The following TUBA4A variants were observed in gnomAD, a reference collection of about 807,000 sequenced individuals.
The protein encoded by TUBA4A is tubulin alpha 4a.
A neutral mutation model predicts 34.3 loss-of-function variants in TUBA4A; 23 were observed. That is an observed-to-expected ratio of 0.67 (90% CI 0.48 to 0.95). The LOEUF (loss-of-function observed/expected upper bound fraction) is 0.95. Ranked by LOEUF, TUBA4A falls within the 40% of genes least tolerant of loss-of-function variation. The pLI is 0.00. For missense variants in TUBA4A, 279 were observed against 599.0 expected, an observed-to-expected ratio of 0.47 and a Z score of 5.58; for synonymous variants, 216 against 230.5, an observed-to-expected ratio of 0.94 and a Z score of 0.57.
chr2:219,252,818 C>G lies in TUBA4A; in HGVS notation c.4-588G>C, dbSNP rs1345838185. On this transcript the variant is annotated intron_variant, in intron 1 of 3. Transcript: ENST00000248437. The surrounding 1 kb of genome is among the most constrained non-coding windows in gnomAD (Gnocchi z 4.1). Reference sequence around the variant, plus strand: ...GTGTCAGCCCGCACGGAAATAGCGGCGGTAATGCTTGTAAGCTCAGACAGC... The same window carrying G: ...GTGTCAGCCCGCACGGAAATAGCGGGGGTAATGCTTGTAAGCTCAGACAGC... The G allele has an allele frequency of 2.1e-6, 1 of 471,786 alleles. No homozygotes were observed. Among genetic ancestry groups the G allele is most frequent in the South Asian group, 1.5e-5 (1 of 64,576 alleles). 29.2% of individuals were successfully genotyped at this position (471,786 alleles called of 1,614,324 possible). A position where few individuals can be genotyped will look rare whatever the true frequency, so the allele number is the denominator to read the frequency against.
rs770260351 is a variant in TUBA4A at position 219,251,300 on chromosome 2, C to T, written c.399G>A (p.Gln133=). The change falls in exon 4 of 4, where the codon CAG becomes CAA. Residue 133 remains glutamine, a synonymous_variant. Coordinates refer to ENST00000248437, the MANE Select transcript of TUBA4A (RefSeq NM_006000.3). This position sits in a 1 kb window ranked among gnomAD's most constrained non-coding sequence, Gnocchi z 6.1. The stretch of plus-strand genomic sequence containing the variant: ...CAAAGCTGTGGAACACCAGGAAGCC[C>T]TGAAGTCCTGTGCACTGGTCAGACT... The part of the protein sequence containing the change: ...RKLSDQCTGL[Q]GFLVFHSFGG... 6.2e-7 allele frequency: 1 copy of T among 1,612,548 alleles called. No individual in the cohort carries two copies. The highest frequency in any genetic ancestry group is 1.1e-5 in the South Asian group (1 of 90,908).
intron 1 of TUBA4A, chr2:219,253,324 C>G: frequency 6.5e-7 from 1 of 1,529,058 alleles, no homozygotes; most frequent in Non-Finnish European, 8.7e-7. Flanking sequence ...CCCACCAACC[C>G]TCTCAGCTCA....
chr2:219,252,980 G>A lies in TUBA4A; in HGVS notation c.4-750C>T, dbSNP rs1490603359. On this transcript the variant is annotated intron_variant, in intron 1 of 3. Coordinates refer to ENST00000248437, the MANE Select transcript of TUBA4A (RefSeq NM_006000.3). The surrounding 1 kb of genome is among the most constrained non-coding windows in gnomAD (Gnocchi z 4.1). ...TCTTCCCACACCGAAATGGCGGGGT[G>A]ACGGTTTCCAAATACCCAGAAAGGA... The A allele has an allele frequency of 1.9e-6, 1 of 528,578 alleles. No homozygotes were observed. The highest frequency in any genetic ancestry group is 3.6e-6 in the Non-Finnish European group (1 of 275,034). The allele number at this position is 528,578 out of a possible 1,614,324, so 32.7% of individuals were successfully genotyped here.
chr2:219,251,560 C>A lies in TUBA4A; in HGVS notation c.375+5G>T. The stretch of plus-strand genomic sequence containing the variant: ...AGTTCCCTCCCTCCCAAGACACACT[C>A]TCACCAGCTTGCGGATCCGATCCAG... On this transcript the variant is annotated splice_donor_5th_base_variant and intron_variant, in intron 3 of 3. Coordinates refer to ENST00000248437, the MANE Select transcript of TUBA4A (RefSeq NM_006000.3). This position sits in a 1 kb window ranked among gnomAD's most constrained non-coding sequence, Gnocchi z 6.1. 3 of 1,612,762 alleles carry A rather than the reference C, an allele frequency of 1.9e-6. No individual in the cohort carries two copies. Among genetic ancestry groups the A allele is most frequent in the Non-Finnish European group, 2.5e-6 (3 of 1,179,008 alleles).
At chr2:219,253,067 T>C (rs1449289865) in intron 1 of TUBA4A, 14 of 1,187,972 alleles carry the variant, frequency 1.2e-5, no homozygotes, top group Admixed American at 4.3e-5. Context: ...ATGGGCGCCA[T>C]CCTGCAGCCC....
intron 1 of TUBA4A, 61 bp downstream of exon 1, chr2:219,253,795 T>A: frequency 1.3e-6 from 2 of 1,531,656 alleles, no homozygotes; most frequent in Non-Finnish European, 1.8e-6. Flanking sequence ...CTGGAAGAAG[T>A]GTCCCCCAAA....
chr2:219,253,803 A>C lies in TUBA4A; in HGVS notation c.3+53T>G, dbSNP rs554641143. On this transcript the variant is annotated intron_variant, in intron 1 of 3. Coordinates refer to ENST00000248437, the MANE Select transcript of TUBA4A (RefSeq NM_006000.3). ...AGCATGCCTGGAAGAAGTGTCCCCCAAAGGAGAGGGGCAATTAGGGGACAG... is the reference window on the plus strand; with the variant it reads ...AGCATGCCTGGAAGAAGTGTCCCCCCAAGGAGAGGGGCAATTAGGGGACAG... 31 of 1,538,388 alleles carry C rather than the reference A, an allele frequency of 2.0e-5. No homozygotes were observed. The South Asian group carries it at 3.8e-4, about 19-fold the overall frequency.
chr2:219,253,268 C>T, intron 1 of TUBA4A: 1 of 1,492,486 alleles, frequency 6.7e-7, no homozygotes, highest in Non-Finnish European at 8.9e-7. Flanking sequence ...CGCACCCGGG[C>T]TTCGGCTGGA....
Position 219,253,914 on chromosome 2 carries a change from A to C in TUBA4A, c.-56T>G. On this transcript the variant is annotated 5_prime_UTR_variant, in exon 1 of 4. Coordinates refer to ENST00000248437, the MANE Select transcript of TUBA4A (RefSeq NM_006000.3). ...GTCGGGGTGACAGGTCTCAGTGAGAACTGCGCTAGCTGCAGTGCCGCACCG... is the reference window on the plus strand; with the variant it reads ...GTCGGGGTGACAGGTCTCAGTGAGACCTGCGCTAGCTGCAGTGCCGCACCG... 1 of 1,358,764 alleles carries C rather than the reference A, an allele frequency of 7.4e-7. No individual in the cohort carries two copies. Among genetic ancestry groups the C allele is most frequent in the Non-Finnish European group, 9.6e-7 (1 of 1,042,548 alleles). 84.2% of individuals were successfully genotyped at this position (1,358,764 alleles called of 1,614,324 possible). A position where few individuals can be genotyped will look rare whatever the true frequency, so the allele number is the denominator to read the frequency against.
At position 219,251,409 on chromosome 2, in the gene TUBA4A, C is replaced by T; in HGVS notation, c.376-86G>A. On this transcript the variant is annotated intron_variant, in intron 3 of 3. Transcript: ENST00000248437. This position sits in a 1 kb window ranked among gnomAD's most constrained non-coding sequence, Gnocchi z 6.1. ...ACCTGGCTCCATAAAGCGTAAGATA[C>T]ATCAGCAGTCAGGGCAAATACTGAG... is the stretch of plus-strand genomic sequence containing the variant. 1.9e-6 allele frequency: 3 copies of T among 1,540,532 alleles called. No individual in the cohort carries two copies. The highest frequency in any genetic ancestry group is 1.8e-6 in the Non-Finnish European group (2 of 1,141,958).
rs767468512 is a variant in TUBA4A, at chr2:219,252,800, C to T, written c.4-570G>A. 9 of 471,830 alleles carry T rather than the reference C, an allele frequency of 1.9e-5. No homozygotes were observed. Among genetic ancestry groups the T allele is most frequent in the Admixed American group, 1.2e-4 (5 of 42,572 alleles). The allele number at this position is 471,830 out of a possible 1,614,324, so 29.2% of individuals were successfully genotyped here. On this transcript the variant is annotated intron_variant, in intron 1 of 3. Coordinates refer to ENST00000248437, the MANE Select transcript of TUBA4A (RefSeq NM_006000.3). The surrounding 1 kb of genome is among the most constrained non-coding windows in gnomAD (Gnocchi z 4.1). ...TCACCACTTTCATCTCCCGTGTCAG[C>T]CCGCACGGAAATAGCGGCGGTAATG...
chr2:219,251,938 C>A lies in TUBA4A; in HGVS notation c.226+70G>T. 5.3e-6 allele frequency: 8 copies of A among 1,518,778 alleles called. No individual in the cohort carries two copies. In the East Asian group the frequency reaches 6.9e-5, roughly 13 times the overall value. The allele number at this position is 1,518,778 out of a possible 1,614,324, so 94.1% of individuals were successfully genotyped here. ...GGGCTAGGAATGCCTGGTCTAAATA[C>A]CCTCTCTCTCCAGGGAGAAGCTTTG... On this transcript the variant is annotated intron_variant, in intron 2 of 3. Coordinates refer to ENST00000248437, the MANE Select transcript of TUBA4A (RefSeq NM_006000.3). The surrounding 1 kb of genome is among the most constrained non-coding windows in gnomAD (Gnocchi z 6.1).
chr2:219,253,559 TCATA>T (rs1349611691), intron 1 of TUBA4A: 2 of 778,234 alleles, frequency 2.6e-6, no homozygotes, highest in Admixed American at 2.1e-5. Flanking sequence ...CGCGTGACTC[TCATA>T]CAGAGTCGGG....
chr2:219,250,270 G>C lies in TUBA4A; in HGVS notation c.*82C>G. 1.3e-6 allele frequency: 2 copies of C among 1,532,046 alleles called. No individual in the cohort carries two copies. Among genetic ancestry groups the C allele is most frequent in the Non-Finnish European group, 1.8e-6 (2 of 1,138,426 alleles). 94.9% of individuals were successfully genotyped at this position (1,532,046 alleles called of 1,614,324 possible). On this transcript the variant is annotated 3_prime_UTR_variant, in exon 4 of 4. Transcript: ENST00000248437. This position sits in a 1 kb window ranked among gnomAD's most constrained non-coding sequence, Gnocchi z 8.4. ...GCAGCAGAAGCTCAAGCACTCAGAG[G>C]GAACAAGAAACCGTGCAAGGAAACT...
At chr2:219,253,354 C>CGT in intron 1 of TUBA4A, 1 of 1,301,916 alleles carries the variant, frequency 7.7e-7, no homozygotes, top group Non-Finnish European at 1.0e-6. Flanking sequence ...TGCTGAGTCA[C>CGT]GGGGGGGGGG....
chr2:219,253,976 C>G, upstream of TUBA4A: 1 of 1,115,264 alleles, frequency 9.0e-7, no homozygotes, highest in Admixed American at 3.8e-5. Context: ...CCCGCGTTCC[C>G]CGCTCGCCCA....
chr2:219,250,943 C>T lies in TUBA4A; in HGVS notation c.756G>A (p.Leu252=). ...LRFDGALNVD[L]TEFQTNLVPY... is the part of the protein sequence containing the mutation. Reference sequence around the variant, plus strand: ...GCACCAGGTTGGTCTGGAACTCTGTCAGGTCCACATTGAGGGCCCCGTCAA... The same window carrying T: ...GCACCAGGTTGGTCTGGAACTCTGTTAGGTCCACATTGAGGGCCCCGTCAA... The change falls in exon 4 of 4, where the codon CTG becomes CTA. Residue 252 remains leucine, a synonymous_variant. Coordinates refer to ENST00000248437, the MANE Select transcript of TUBA4A (RefSeq NM_006000.3). The surrounding 1 kb of genome is among the most constrained non-coding windows in gnomAD (Gnocchi z 8.4). 6.2e-7 allele frequency: 1 copy of T among 1,614,154 alleles called. No homozygotes were observed. Among genetic ancestry groups the T allele is most frequent in the African/African-American group, 1.3e-5 (1 of 75,018 alleles).
Position 219,250,037 on chromosome 2 carries a change from G to T in TUBA4A, c.*315C>A. ...CTGGATTATACTCCTACTTGGAAAG[G>T]AGCTGAAGACTCATCCTTCAACAGT... is the stretch of plus-strand genomic sequence containing the variant. On this transcript the variant is annotated 3_prime_UTR_variant, in exon 4 of 4. Transcript: ENST00000248437. The surrounding 1 kb of genome is among the most constrained non-coding windows in gnomAD (Gnocchi z 8.4). 6.5e-6 allele frequency: 2 copies of T among 309,604 alleles called. No homozygotes were observed. The highest frequency in any genetic ancestry group is 1.1e-4 in the South Asian group (2 of 18,758). 19.2% of individuals were successfully genotyped at this position (309,604 alleles called of 1,614,324 possible).
upstream of TUBA4A, chr2:219,253,955 G>C (rs1048330997): frequency 3.4e-6 from 4 of 1,181,590 alleles, no homozygotes; most frequent in East Asian, 6.3e-5. Context: ...ATAGGCGGGG[G>C]GGGGGCGGGG....
Sources: gnomAD v4.1 joint callset for allele counts on GRCh38, gnomAD v4.1.1 for gene constraint, Gnocchi (gnomAD v3.1) non-coding constraint, MANE v1.5 for transcripts, NCBI Gene and HGNC (gene_info 2026-07-23, HGNC 2026-07-21) for gene names.